Variants in JPH3 observed in about 807,000 individuals in gnomAD.
JPH3 encodes junctophilin 3.
Under a neutral mutation model 59.6 loss-of-function variants are expected in JPH3, and 11 were observed. That is an observed-to-expected ratio of 0.18 (90% CI 0.12 to 0.31). The LOEUF (loss-of-function observed/expected upper bound fraction) is 0.31. Ranked by LOEUF, JPH3 falls within the 10% of genes least tolerant of loss-of-function variation. The probability of loss-of-function intolerance (pLI) is 1.00; values close to 1 mark genes in which losing one functional copy is unlikely to be tolerated. For synonymous variants in JPH3, 673 were observed against 483.6 expected, an observed-to-expected ratio of 1.39 and a Z score of -5.14; for missense variants, 1,202 against 1,105.7, an observed-to-expected ratio of 1.09 and a Z score of -1.24.
At position 87,677,225 on chromosome 16, in the gene JPH3, C is replaced by CACACACACACAA. The variant is rs1271128667; in HGVS notation, c.1161-6916_1161-6915insCACACACACAAA. Among the ~76,000 whole-genome samples, 24 of 81,722 alleles carry CACACACACACAA rather than the reference C, an allele frequency of 2.9e-4. 1 individual carries two copies. The highest frequency in any genetic ancestry group is 9.9e-4 in the African/African-American group (23 of 23,276). 53.6% of individuals were successfully genotyped at this position (81,722 alleles called of 152,430 possible). The stretch of plus-strand genomic sequence containing the variant: ...ACACACACACACACACACACACACA[C>CACACACACACAA]AAAAAAAAAAATTAGCCGGGTGTGG... On this transcript the variant is annotated intron_variant, in intron 2 of 4. Transcript: ENST00000284262.
chr16:87,652,254 C>T (rs552092637), intron 2 of JPH3, among the ~76,000 whole-genome samples: 3 of 152,370 alleles, frequency 2.0e-5, no homozygotes, highest in South Asian at 2.1e-4. Flanking sequence ...GGATTACAGG[C>T]GTGAGCCACC....
chr16:87,616,237 TA>T (rs1427933661), intron 1 of JPH3, among the ~76,000 whole-genome samples: 2,323 of 89,086 alleles, frequency 0.026, 33 homozygotes, highest in African/African-American at 0.041. Flanking sequence ...TGTGTGTGTG[TA>T]TTTTTTTTTT....
chr16:87,626,847 C>T (rs55840238), intron 1 of JPH3, among the ~76,000 whole-genome samples: 4,600 of 152,244 alleles, frequency 0.03, 264 homozygotes, highest in African/African-American at 0.11. Flanking sequence ...CCTAAAAGAT[C>T]ATGTAAATAG....
chr16:87,681,391 G>A (rs1211253737), intron 2 of JPH3, among the ~76,000 whole-genome samples: 1 of 144,454 alleles, frequency 6.9e-6, no homozygotes, highest in Non-Finnish European at 1.5e-5. Context: ...CGGGAGGTCA[G>A]GTGCGCGCGG....
chr16:87,671,554 G>C (rs1466870469), intron 2 of JPH3, among the ~76,000 whole-genome samples: 1 of 151,994 alleles, frequency 6.6e-6, no homozygotes, highest in African/African-American at 2.4e-5. Context: ...AATAGCAGGA[G>C]TCACCCACAC....
intron 1 of JPH3, among the ~76,000 whole-genome samples, chr16:87,612,957 C>T (rs771942839): frequency 1.8e-4 from 27 of 151,272 alleles, no homozygotes; most frequent in Admixed American, 4.6e-4. Flanking sequence ...ACCTGGGAGG[C>T]GGAGCTTGCA....
At chr16:87,684,879 G>A (rs932478154) in intron 3 of JPH3, among the ~76,000 whole-genome samples, 7 of 152,050 alleles carry the variant, frequency 4.6e-5, no homozygotes, top group Non-Finnish European at 8.8e-5. Flanking sequence ...GGGCGTGGAG[G>A]GTGTGGGGTG....
chr16:87,636,391 G>A (rs2031747855), intron 1 of JPH3, among the ~76,000 whole-genome samples: 1 of 152,242 alleles, frequency 6.6e-6, no homozygotes. Context: ...CAAAGGGCTG[G>A]GGGTGGCCGA....
chr16:87,612,551 G>C (rs1373077658), intron 1 of JPH3, among the ~76,000 whole-genome samples: 1 of 152,136 alleles, frequency 6.6e-6, no homozygotes, highest in Admixed American at 6.5e-5. Flanking sequence ...TGGGAGCTTT[G>C]ATGACTGACC....
At chr16:87,668,449 C>T (rs1451874571) in intron 2 of JPH3, among the ~76,000 whole-genome samples, 1 of 152,196 alleles carries the variant, frequency 6.6e-6, no homozygotes, top group South Asian at 2.1e-4. Flanking sequence ...CAGTTCCCTT[C>T]ACTGAGCCTT....
At chr16:87,687,315 A>C (rs1482691317) in intron 3 of JPH3, among the ~76,000 whole-genome samples, 1 of 152,190 alleles carries the variant, frequency 6.6e-6, no homozygotes, top group Non-Finnish European at 1.5e-5. Context: ...GATGTGGTGG[A>C]ATCAGGATTT....
chr16:87,690,606 C>CA, intron 4 of JPH3, 80 bp downstream of exon 4: 1 of 1,354,870 alleles, frequency 7.4e-7, no homozygotes, highest in South Asian at 1.9e-5. Flanking sequence ...TGAGGGTTTC[C>CA]AGCAAGGTCA....
intron 1 of JPH3, among the ~76,000 whole-genome samples, chr16:87,635,487 G>C (rs150887017): frequency 2.6e-5 from 4 of 152,184 alleles, no homozygotes; most frequent in African/African-American, 9.7e-5. Context: ...CTGGCCCAGG[G>C]CTCTGGCTTT....
At chr16:87,695,415 G>A (rs566573320) in intron 4 of JPH3, 24 of 456,102 alleles carry the variant, frequency 5.3e-5, no homozygotes, top group Middle Eastern at 3.3e-4. Context: ...CATCTGTGTC[G>A]CACAGCAGCA....
intron 1 of JPH3, 43 bp from the exon 2 acceptor site, chr16:87,644,215 C>G (rs778605804): frequency 2.6e-6 from 4 of 1,555,948 alleles, no homozygotes; most frequent in East Asian, 2.3e-5. Context: ...TGTGCCCCCT[C>G]CTCTGTCGCT....
At chr16:87,636,676 A>G (rs1020825196) in intron 1 of JPH3, among the ~76,000 whole-genome samples, 1 of 152,158 alleles carries the variant, frequency 6.6e-6, no homozygotes. Flanking sequence ...TACTGATATC[A>G]GTTATAAAAT....
At chr16:87,685,794 C>T (rs1350368039) in intron 3 of JPH3, among the ~76,000 whole-genome samples, 1 of 152,218 alleles carries the variant, frequency 6.6e-6, no homozygotes, top group African/African-American at 2.4e-5. Flanking sequence ...CTCAGAGCCT[C>T]AGTTCCATGT....
At chr16:87,669,123 G>C (rs1265192825) in intron 2 of JPH3, among the ~76,000 whole-genome samples, 1 of 152,196 alleles carries the variant, frequency 6.6e-6, no homozygotes, top group Admixed American at 6.5e-5. Context: ...CACCACTTTG[G>C]ATCCTGGGTC....
chr16:87,613,048 G>A (rs1472696109), intron 1 of JPH3, among the ~76,000 whole-genome samples: 1 of 148,926 alleles, frequency 6.7e-6, no homozygotes, highest in Non-Finnish European at 1.5e-5. Flanking sequence ...GTAAAATAAA[G>A]TAGACTAGAA....
Sources: allele counts gnomAD v4.1 joint callset (sites outside exome capture counted in the v4.1 genomes callset), GRCh38; gene constraint gnomAD v4.1.1; transcripts MANE v1.5; gene names NCBI Gene and HGNC (gene_info 2026-07-23, HGNC 2026-07-21).